PACRG: variants seen among roughly 807,000 people sequenced by gnomAD.
PACRG encodes parkin coregulated.
In PACRG, 29 loss-of-function variants were observed where a neutral mutation model predicts 29.7. The ratio of observed to expected loss-of-function variants is 0.98; its 90% CI spans 0.73 to 1.33. The LOEUF (loss-of-function observed/expected upper bound fraction) is 1.33. Ranked by LOEUF, PACRG falls within the 40% of genes most tolerant of loss-of-function variation. The pLI is 0.00. For missense variants in PACRG, 279 were observed against 316.2 expected, an observed-to-expected ratio of 0.88 and a Z score of 0.89; for synonymous variants, 116 against 118.7, an observed-to-expected ratio of 0.98 and a Z score of 0.15.
At chr6:162,814,836 C>T (rs1267186953) in intron 2 of PACRG, among the ~76,000 whole-genome samples, 1 of 152,152 alleles carries the variant, frequency 6.6e-6, no homozygotes, top group East Asian at 1.9e-4. Flanking sequence ...CCTCCACCGC[C>T]AAAGCCATTA....
intron 4 of PACRG, among the ~76,000 whole-genome samples, chr6:163,314,326 C>G (rs982664040): frequency 6.6e-6 from 1 of 152,232 alleles, no homozygotes; most frequent in African/African-American, 2.4e-5. Context: ...TTTCAAGGAA[C>G]TGAACACTTG....
chr6:163,163,061 C>T (rs774569836), intron 4 of PACRG, among the ~76,000 whole-genome samples: 5 of 152,158 alleles, frequency 3.3e-5, no homozygotes, highest in African/African-American at 7.2e-5. Context: ...TGTGCAACTT[C>T]GCTGCAGGGC....
In PACRG at chr6:163,283,731, G is replaced by T. The variant is rs893830274; in HGVS notation, c.614-31096G>T. 1.3e-4 allele frequency among the ~76,000 whole-genome samples: 19 copies of T among 151,088 alleles called. No individual in the cohort carries two copies. The Middle Eastern group carries it at 0.01, about 83-fold the overall frequency. On this transcript the variant is annotated intron_variant, in intron 4 of 4. Transcript: ENST00000366888. ...CAGGAGAATGGCGTGAACCCGGGAA[G>T]CGGAGCTTGCAGTGAGCCGAGATTG...
rs571701723 is a variant in PACRG, at chr6:162,891,684, A to G, written c.291+77403A>G. ...CTAGCTATTTGGTTTGCCACCTGAA[A>G]AAACCAGACAAGCAGATAAAAGGCA... On this transcript the variant is annotated intron_variant, in intron 2 of 4. Coordinates refer to ENST00000366888, the MANE Select transcript of PACRG (RefSeq NM_001080379.2). Among the ~76,000 whole-genome samples the G allele has an allele frequency of 2.6e-5, 4 of 152,232 alleles. No individual in the cohort carries two copies. The South Asian group carries it at 8.3e-4, about 32-fold the overall frequency.
At chr6:162,930,229 G>A (rs960484201) in intron 2 of PACRG, among the ~76,000 whole-genome samples, 1 of 151,794 alleles carries the variant, frequency 6.6e-6, no homozygotes, top group African/African-American at 2.4e-5. Flanking sequence ...CATGAGCATG[G>A]AGTATCTTTT....
chr6:162,960,625 C>T (rs1754071650), intron 2 of PACRG, among the ~76,000 whole-genome samples: 2 of 152,080 alleles, frequency 1.3e-5, no homozygotes, highest in Non-Finnish European at 1.5e-5. Flanking sequence ...AAGGGAGAAG[C>T]GTGCGGGTTA....
chr6:163,063,572 C>A lies in PACRG; in HGVS notation c.463+1251C>A, dbSNP rs78547992. Among the ~76,000 whole-genome samples the A allele has an allele frequency of 1.1e-3, 174 of 152,328 alleles. 1 individual carries two copies. The East Asian group carries it at 0.025, about 22-fold the overall frequency. Reference sequence around the variant, plus strand: ...ATTCATTCATTCGAATTTATCCATTCATTCAAATGTATCATGATCAAAATG... The same window carrying A: ...ATTCATTCATTCGAATTTATCCATTAATTCAAATGTATCATGATCAAAATG... On this transcript the variant is annotated intron_variant, in intron 3 of 4. Coordinates refer to ENST00000366888, the MANE Select transcript of PACRG (RefSeq NM_001080379.2).
intron 1 of PACRG, among the ~76,000 whole-genome samples, chr6:162,786,587 G>C (rs1784484209): frequency 6.6e-6 from 1 of 152,220 alleles, no homozygotes; most frequent in African/African-American, 2.4e-5. Context: ...CCATAGTGTA[G>C]AGGAGGCTGG....
chr6:163,290,292 A>G (rs1054804935), intron 4 of PACRG, among the ~76,000 whole-genome samples: 4,465 of 106,750 alleles, frequency 0.042, 198 homozygotes, highest in African/African-American at 0.12. Context: ...ACACACACAC[A>G]CACACACACA....
At chr6:163,149,879 G>A (rs994146981) in intron 4 of PACRG, among the ~76,000 whole-genome samples, 2 of 152,158 alleles carry the variant, frequency 1.3e-5, no homozygotes, top group Admixed American at 6.5e-5. Flanking sequence ...AAGGAAACTC[G>A]GTCTCATTTC....
chr6:162,783,610 G>A (rs1784250571), intron 1 of PACRG, among the ~76,000 whole-genome samples: 1 of 151,912 alleles, frequency 6.6e-6, no homozygotes, highest in South Asian at 2.1e-4. Flanking sequence ...TCTCTATGTG[G>A]AAAGCATTTA....
chr6:163,228,379 CAAAAAAAA>C (rs11362557), intron 4 of PACRG, among the ~76,000 whole-genome samples: 5 of 68,168 alleles, frequency 7.3e-5, no homozygotes, highest in African/African-American at 1.2e-4. Flanking sequence ...TTTAAGCAGG[CAAAAAAAA>C]AAAAAAAAAA....
chr6:162,898,008 G>C (rs1795290768), intron 2 of PACRG, among the ~76,000 whole-genome samples: 1 of 152,218 alleles, frequency 6.6e-6, no homozygotes, highest in Non-Finnish European at 1.5e-5. Flanking sequence ...ACGTTCCCCT[G>C]TCCATGTCTA....
intron 3 of PACRG, among the ~76,000 whole-genome samples, chr6:163,066,524 G>T (rs1489364149): frequency 6.6e-6 from 1 of 152,166 alleles, no homozygotes; most frequent in African/African-American, 2.4e-5. Context: ...GCCACATGAA[G>T]TGTTGAATCA....
intron 1 of PACRG, among the ~76,000 whole-genome samples, chr6:162,776,455 T>C (rs1783648888): frequency 6.6e-6 from 1 of 152,200 alleles, no homozygotes; most frequent in African/African-American, 2.4e-5. Flanking sequence ...AACCTGGGTC[T>C]TTGTGCTCCT....
intron 1 of PACRG, among the ~76,000 whole-genome samples, chr6:162,772,355 T>C (rs979303621): frequency 2.6e-5 from 4 of 151,928 alleles, no homozygotes; most frequent in African/African-American, 9.7e-5. Flanking sequence ...AACCTGAAAA[T>C]CGATGTGCAA....
chr6:163,100,763 A>T, intron 4 of PACRG: 1 of 982,022 alleles, frequency 1.0e-6, no homozygotes, highest in Non-Finnish European at 1.2e-6. Context: ...ACTTTGACAG[A>T]ATGGAATATA....
chr6:163,116,953 A>G (rs1208626926), intron 4 of PACRG, among the ~76,000 whole-genome samples: 2 of 152,126 alleles, frequency 1.3e-5, no homozygotes, highest in Non-Finnish European at 2.9e-5. Context: ...TCACAGAAGC[A>G]AGTTGGAAGG....
intron 2 of PACRG, among the ~76,000 whole-genome samples, chr6:162,839,232 C>T (rs1789530220): frequency 1.0e-5 from 1 of 97,902 alleles, no homozygotes; most frequent in Non-Finnish European, 1.9e-5. Context: ...GTTCCTATTT[C>T]TCCACATCCT....
Sources: allele counts gnomAD v4.1 joint callset (sites outside exome capture counted in the v4.1 genomes callset), GRCh38; gene constraint gnomAD v4.1.1; transcripts MANE v1.5; gene names NCBI Gene and HGNC (gene_info 2026-07-23, HGNC 2026-07-21).